DENND5B: variants seen among roughly 807,000 people sequenced by gnomAD.
DENND5B encodes the protein DENN domain containing 5B.
In DENND5B, 34 loss-of-function variants were observed where a neutral mutation model predicts 140.6. The ratio of observed to expected loss-of-function variants is 0.24; its 90% CI spans 0.18 to 0.32. DENND5B has a LOEUF of 0.32. Ranked by LOEUF, DENND5B falls within the 10% of genes least tolerant of loss-of-function variation. The probability of loss-of-function intolerance (pLI) is 1.00; values close to 1 mark genes in which losing one functional copy is unlikely to be tolerated. For synonymous variants in DENND5B, 551 were observed against 562.1 expected (o/e 0.98, Z 0.28); for missense variants, 1,142 against 1,560.2 (o/e 0.73, Z 4.52).
intron 1 of DENND5B, chr12:31,535,219 T>A: frequency 4.2e-6 from 1 of 237,368 alleles, no homozygotes; most frequent in Non-Finnish European, 8.2e-6. Flanking sequence ...TGCATGAACA[T>A]CTGCCTCTTG....
At chr12:31,588,440 C>A (rs1038752917) in intron 1 of DENND5B, among the ~76,000 whole-genome samples, 1 of 152,186 alleles carries the variant, frequency 6.6e-6, no homozygotes, top group African/African-American at 2.4e-5. Context: ...TTCAACCAAG[C>A]ACAGATTGAA....
At chr12:31,530,016 A>G (rs971240023) in intron 1 of DENND5B, among the ~76,000 whole-genome samples, 1 of 152,186 alleles carries the variant, frequency 6.6e-6, no homozygotes, top group African/African-American at 2.4e-5. Flanking sequence ...ACTGAATACA[A>G]CTGGACATGT....
chr12:31,518,015 G>C (rs1237463817), intron 1 of DENND5B, among the ~76,000 whole-genome samples: 1 of 152,208 alleles, frequency 6.6e-6, no homozygotes, highest in Non-Finnish European at 1.5e-5. Context: ...TAAAAAGCCT[G>C]AGTTCCCAAA....
intron 1 of DENND5B, among the ~76,000 whole-genome samples, chr12:31,514,553 C>T (rs1428585178): frequency 6.6e-6 from 1 of 152,172 alleles, no homozygotes; most frequent in East Asian, 1.9e-4. Flanking sequence ...TAGTGGCTCA[C>T]GCCTGTAATC....
At chr12:31,477,227 T>TA (rs142418446) in intron 3 of DENND5B, among the ~76,000 whole-genome samples, 80,331 of 145,036 alleles carry the variant, frequency 0.55, 22,172 homozygotes, top group East Asian at 0.81. Flanking sequence ...GACTCTGTCT[T>TA]AAAAAAAAAA....
intron 1 of DENND5B, among the ~76,000 whole-genome samples, chr12:31,501,491 A>G (rs1227355018): frequency 6.6e-6 from 1 of 152,200 alleles, no homozygotes; most frequent in Non-Finnish European, 1.5e-5. Context: ...ATCTAAATAG[A>G]GGCCGGGCGC....
At chr12:31,447,831 G>T in intron 5 of DENND5B, 62 bp from the exon 6 acceptor site, 1 of 1,148,926 alleles carries the variant, frequency 8.7e-7, no homozygotes, top group Non-Finnish European at 1.2e-6. Flanking sequence ...TACATGATAA[G>T]CCTGAAAATT....
rs1469873307 is a variant in DENND5B, at chr12:31,387,769, T to C, written c.3659A>G (p.Gln1220Arg). 1.2e-6 allele frequency: 2 copies of C among 1,613,728 alleles called. No homozygotes were observed. The highest frequency in any genetic ancestry group is 1.7e-5 in the Admixed American group (1 of 59,998). The change falls in exon 21 of 21, where the codon CAG becomes CGG. Residue 1220 changes from glutamine (Q) to arginine (R), a missense_variant. By Grantham distance (43) the Gln-to-Arg change is conservative (BLOSUM62 1). Coordinates refer to ENST00000389082, the MANE Select transcript of DENND5B (RefSeq NM_144973.4). The stretch of plus-strand genomic sequence containing the variant: ...ACACTCAGCTAACAATGGAATCCAC[T>C]GTGGGAGCAGGCGATCCCTACAGAC... ...CLGTRDRLLP[Q>R]WIPLLAECPA...
chr12:31,400,986 G>A (rs1369800776), intron 15 of DENND5B, among the ~76,000 whole-genome samples: 1 of 152,068 alleles, frequency 6.6e-6, no homozygotes, highest in Non-Finnish European at 1.5e-5. Flanking sequence ...GGGATTACAG[G>A]CATGTGCCAC....
At chr12:31,533,896 T>C (rs1948387502) in intron 1 of DENND5B, among the ~76,000 whole-genome samples, 1 of 151,962 alleles carries the variant, frequency 6.6e-6, no homozygotes, top group South Asian at 2.1e-4. Context: ...TGTTTTTTTT[T>C]TTTCCTTTAA....
intron 1 of DENND5B, among the ~76,000 whole-genome samples, chr12:31,501,982 A>C (rs1947025469): frequency 6.6e-6 from 1 of 152,066 alleles, no homozygotes; most frequent in Non-Finnish European, 1.5e-5. Flanking sequence ...TTTATTTTAG[A>C]AATTACATTC....
intron 2 of DENND5B, among the ~76,000 whole-genome samples, chr12:31,487,058 G>A (rs1946336435): frequency 6.6e-6 from 1 of 152,178 alleles, no homozygotes; most frequent in Non-Finnish European, 1.5e-5. Context: ...GGTGGTGACT[G>A]ATAACATGGG....
At chr12:31,497,413 C>T (rs1307519974) in intron 1 of DENND5B, among the ~76,000 whole-genome samples, 1 of 152,040 alleles carries the variant, frequency 6.6e-6, no homozygotes, top group African/African-American at 2.4e-5. Flanking sequence ...AATTGTCAGA[C>T]ATCCTTAAGG....
At chr12:31,551,061 G>C (rs1003927048) in intron 1 of DENND5B, among the ~76,000 whole-genome samples, 8 of 152,094 alleles carry the variant, frequency 5.3e-5, no homozygotes, top group African/African-American at 1.9e-4. Context: ...AAGCTCTTTA[G>C]TTTCATTAGA....
chr12:31,576,583 T>C (rs1453571534), intron 1 of DENND5B, among the ~76,000 whole-genome samples: 2 of 152,060 alleles, frequency 1.3e-5, no homozygotes, highest in Non-Finnish European at 2.9e-5. Flanking sequence ...CAGACAGACA[T>C]TTCCAAGAGT....
At chr12:31,545,848 A>G (rs1370924081) in intron 1 of DENND5B, among the ~76,000 whole-genome samples, 3 of 149,728 alleles carry the variant, frequency 2.0e-5, no homozygotes, top group Non-Finnish European at 4.4e-5. Context: ...AGTTCCAGCT[A>G]CTCAAGAGGC....
intron 3 of DENND5B, among the ~76,000 whole-genome samples, chr12:31,469,014 T>C (rs144545975): frequency 6.6e-4 from 101 of 151,936 alleles, no homozygotes; most frequent in African/African-American, 2.4e-3. Context: ...TTAGAGAAAA[T>C]AGCAAGGAAC....
chr12:31,414,044 T>C (rs1209401330), intron 12 of DENND5B, among the ~76,000 whole-genome samples: 2 of 152,244 alleles, frequency 1.3e-5, no homozygotes, highest in Non-Finnish European at 2.9e-5. Flanking sequence ...TTACTTTCTA[T>C]GGCATTAGAG....
chr12:31,494,173 TATCTATCTATCCATCC>T (rs140728374), intron 2 of DENND5B, among the ~76,000 whole-genome samples: 7,606 of 91,686 alleles, frequency 0.083, 299 homozygotes, highest in East Asian at 0.17. Flanking sequence ...TCTATCTATC[TATCTATCTATCCATCC>T]ATCCATCCAT....
Sources: gnomAD v4.1 joint callset for allele counts (sites outside exome capture counted in the v4.1 genomes callset) on GRCh38, gnomAD v4.1.1 for gene constraint, MANE v1.5 for transcripts, NCBI Gene and HGNC (gene_info 2026-07-23, HGNC 2026-07-21) for gene names.